Variants in P2RY8 observed in about 807,000 individuals in gnomAD.
The protein encoded by P2RY8 is S-geranylgeranyl-glutathione receptor P2RY8.
Under a neutral mutation model 10.0 loss-of-function variants are expected in P2RY8, and 6 were observed. The ratio of observed to expected loss-of-function variants is 0.60; its 90% confidence interval spans 0.33 to 1.19. The LOEUF (loss-of-function observed/expected upper bound fraction) is 1.19, where lower values mean the gene tolerates loss of function less well. Ranked by LOEUF, P2RY8 falls within the 50% of genes most tolerant of loss-of-function variation. P2RY8 has a pLI of 0.04. For synonymous variants in P2RY8, 276 were observed against 252.5 expected (o/e 1.09, Z -0.88); for missense variants, 456 against 542.0 (o/e 0.84, Z 1.58).
At chrX:1,467,428 C>T (rs1279157793) in intron 1 of P2RY8, among the ~76,000 whole-genome samples, 1 of 152,152 alleles carries the variant, frequency 6.6e-6, no homozygotes, top group African/African-American at 2.4e-5. Context: ...GTGAAACCTA[C>T]AGTTATGCAC....
chrX:1,528,501 C>T (rs1178195908), intron 1 of P2RY8, among the ~76,000 whole-genome samples: 2 of 152,244 alleles, frequency 1.3e-5, no homozygotes, highest in African/African-American at 4.8e-5. Flanking sequence ...ACGACATCTT[C>T]AAAACCACTT....
At chrX:1,503,332 C>T (rs1323961536) in intron 1 of P2RY8, among the ~76,000 whole-genome samples, 1 of 152,216 alleles carries the variant, frequency 6.6e-6, no homozygotes, top group Non-Finnish European at 1.5e-5. Context: ...CAGTTTGTGG[C>T]ATTTTTTGTG....
intron 1 of P2RY8, among the ~76,000 whole-genome samples, chrX:1,473,542 T>TGGATGGGA (rs1337779248): frequency 2.8e-5 from 3 of 106,520 alleles, no homozygotes; most frequent in South Asian, 2.9e-4. Context: ...GATGGGTGGG[T>TGGATGGGA]GGGTGGATGA....
chrX:1,466,915 C>G (rs1422064130), intron 1 of P2RY8, among the ~76,000 whole-genome samples: 3 of 116,170 alleles, frequency 2.6e-5, no homozygotes, highest in African/African-American at 9.9e-5. Context: ...TCCCGTCCTT[C>G]CTTGGATCAG....
intron 1 of P2RY8, among the ~76,000 whole-genome samples, chrX:1,532,645 A>C (rs2092487769): frequency 6.6e-6 from 1 of 151,942 alleles, no homozygotes. Context: ...AGGAATGGAA[A>C]CCCAAACATC....
In P2RY8 at chrX:1,466,533, G is replaced by A. The variant is rs1189226344; in HGVS notation, c.26C>T (p.Pro9Leu). Reference sequence around the variant, plus strand: ...CAGCATCTGCAGCGTCGCGTTGTCCGGGCCGGTGCTGTTCGGGACCTGCAT... The same window carrying A: ...CAGCATCTGCAGCGTCGCGTTGTCCAGGCCGGTGCTGTTCGGGACCTGCAT... MQVPNSTGPDNATLQMLRN... is the reference protein window; with the variant it reads MQVPNSTGLDNATLQMLRN... The change falls in exon 2 of 2, where the codon CCG (proline) becomes CTG (leucine). Residue 9 changes from proline (P) to leucine (L), a missense_variant. By Grantham distance (98) the Pro-to-Leu change is moderately conservative. Transcript: ENST00000381297. The A allele has an allele frequency of 8.1e-6, 13 of 1,608,442 alleles. No homozygotes were observed. Among genetic ancestry groups the A allele is most frequent in the Middle Eastern group, 2.2e-4 (1 of 4,562 alleles).
chrX:1,494,736 C>T (rs1314646548), intron 1 of P2RY8, among the ~76,000 whole-genome samples: 3 of 152,156 alleles, frequency 2.0e-5, no homozygotes, highest in African/African-American at 2.4e-5. Flanking sequence ...GACTGAGTCT[C>T]GCTCTGCCTC....
chrX:1,490,467 T>C (rs1447548467), intron 1 of P2RY8, among the ~76,000 whole-genome samples: 2 of 142,290 alleles, frequency 1.4e-5, no homozygotes, highest in South Asian at 2.3e-4. Flanking sequence ...AGATATTCCC[T>C]GCAAATGTGG....
intron 1 of P2RY8, among the ~76,000 whole-genome samples, chrX:1,525,847 A>T (rs1416732559): frequency 6.6e-6 from 1 of 151,824 alleles, no homozygotes; most frequent in Admixed American, 6.6e-5. Flanking sequence ...GCATCCATTC[A>T]TTCACTCATT....
chrX:1,489,303 A>T (rs2092018586), intron 1 of P2RY8, among the ~76,000 whole-genome samples: 1 of 151,948 alleles, frequency 6.6e-6, no homozygotes, highest in African/African-American at 2.4e-5. Flanking sequence ...AGAGGGAATG[A>T]ATATCACTCA....
chrX:1,499,332 A>G (rs5948918), intron 1 of P2RY8, among the ~76,000 whole-genome samples: 42,365 of 151,136 alleles, frequency 0.28, 7,742 homozygotes, highest in Non-Finnish European at 0.41. Flanking sequence ...CGCCTGGCCA[A>G]TTTTTATATT....
Position 1,464,323 on chromosome X carries a change from A to G in P2RY8, c.*1156T>C, listed in dbSNP as rs1168208158. 1 of 233,324 alleles carries G rather than the reference A, an allele frequency of 4.3e-6. No homozygotes were observed. The highest frequency in any genetic ancestry group is 8.5e-6 in the Non-Finnish European group (1 of 118,220). 14.5% of individuals were successfully genotyped at this position (233,324 alleles called of 1,614,324 possible). On this transcript the variant is annotated 3_prime_UTR_variant, in exon 2 of 2. Transcript: ENST00000381297. ...GCAGGCACATGCCGTGTAGAAGAAG[A>G]CAGACAAAGACCCAGCCTGCTCACC...
In P2RY8 at chrX:1,489,066, A is replaced by T. The variant is rs747193152; in HGVS notation, c.-24-22484T>A. 2.6e-5 allele frequency among the ~76,000 whole-genome samples: 4 copies of T among 151,988 alleles called. No homozygotes were observed. The East Asian group carries it at 7.8e-4, about 30-fold the overall frequency. ...GAATGACACCCAGAGATTCATTCCCACAAATGTGCAGGGAAAGAATGAATG... is the reference window on the plus strand; with the variant it reads ...GAATGACACCCAGAGATTCATTCCCTCAAATGTGCAGGGAAAGAATGAATG... On this transcript the variant is annotated intron_variant, in intron 1 of 1. Coordinates refer to ENST00000381297, the MANE Select transcript of P2RY8 (RefSeq NM_178129.5).
intron 1 of P2RY8, among the ~76,000 whole-genome samples, chrX:1,497,056 T>C (rs1329737238): frequency 6.7e-6 from 1 of 149,086 alleles, no homozygotes; most frequent in Non-Finnish European, 1.5e-5. Flanking sequence ...CTGTCTCTAC[T>C]TAAAATACAA....
intron 1 of P2RY8, among the ~76,000 whole-genome samples, chrX:1,499,157 TC>T (rs2092149852): frequency 9.2e-6 from 1 of 108,636 alleles, no homozygotes. Flanking sequence ...TTTTTCTTTT[TC>T]TTTTCTTTTT....
At chrX:1,503,333 A>AT (rs1409717237) in intron 1 of P2RY8, among the ~76,000 whole-genome samples, 1 of 152,204 alleles carries the variant, frequency 6.6e-6, no homozygotes, top group Admixed American at 6.5e-5. Flanking sequence ...AGTTTGTGGC[A>AT]TTTTTTGTGT....
intron 1 of P2RY8, among the ~76,000 whole-genome samples, chrX:1,530,157 G>GATCTATCTATCT (rs1179030530): frequency 7.1e-5 from 3 of 42,466 alleles, no homozygotes; most frequent in African/African-American, 1.5e-4. Flanking sequence ...ATGTATGTAT[G>GATCTATCTATCT]ATCTATCTAT....
intron 1 of P2RY8, among the ~76,000 whole-genome samples, chrX:1,535,732 C>CACAG (rs2092521257): frequency 6.6e-6 from 1 of 151,474 alleles, no homozygotes; most frequent in African/African-American, 2.4e-5. Context: ...CACACAGACA[C>CACAG]ACACACACAC....
At chrX:1,512,282 C>G (rs1211294149) in intron 1 of P2RY8, among the ~76,000 whole-genome samples, 3 of 152,096 alleles carry the variant, frequency 2.0e-5, no homozygotes, top group Admixed American at 2.0e-4. Flanking sequence ...CGCAGTGGCT[C>G]AAGCCTGTAA....
Sources: gnomAD v4.1 joint callset for allele counts (sites outside exome capture counted in the v4.1 genomes callset) on GRCh38, gnomAD v4.1.1 for gene constraint, MANE v1.5 for transcripts, NCBI Gene and HGNC (gene_info 2026-07-23, HGNC 2026-07-21) for gene names.